Variants in NIBAN1 observed in about 807,000 individuals in gnomAD.
NIBAN1 encodes niban apoptosis regulator 1.
Under a neutral mutation model 75.1 loss-of-function variants are expected in NIBAN1, and 81 were observed. The observed-to-expected ratio is 1.08, with a 90% CI of 0.90 to 1.30. The LOEUF (loss-of-function observed/expected upper bound fraction) is 1.30, where lower values mean the gene tolerates loss of function less well. Ranked by LOEUF, NIBAN1 falls within the 50% of genes most tolerant of loss-of-function variation. The pLI is 0.00. For missense variants in NIBAN1, 1,133 were observed against 1,128.1 expected (o/e 1.00, Z -0.06); for synonymous variants, 436 against 424.8 (o/e 1.03, Z -0.32).
chr1:184,889,786 G>C (rs1656618039), intron 4 of NIBAN1, among the ~76,000 whole-genome samples: 1 of 152,184 alleles, frequency 6.6e-6, no homozygotes, highest in South Asian at 2.1e-4. Flanking sequence ...TCCTCAACTA[G>C]AGAAATCACA....
At position 184,884,655 on chromosome 1, in the gene NIBAN1, G is replaced by A. The variant is rs779957862; in HGVS notation, c.579C>T (p.Asp193=). Residue 193 remains aspartate (D), a synonymous_variant, in exon 5 of 14, where the codon GAC becomes GAT. Coordinates refer to ENST00000367511, the MANE Select transcript of NIBAN1 (RefSeq NM_052966.4). The part of the protein sequence containing the change: ...DQKRFSALLS[D]CVRHLNHDYM... ...TACCATGATTGAGATGCCTGACGCAGTCACTCAGGAGGGCACTAAACCTCT... is the reference window on the plus strand; with the variant it reads ...TACCATGATTGAGATGCCTGACGCAATCACTCAGGAGGGCACTAAACCTCT... 6.2e-6 allele frequency: 10 copies of A among 1,614,026 alleles called. No homozygotes were observed. In the East Asian group the frequency reaches 6.7e-5, roughly 11 times the overall value.
At chr1:184,806,586 C>A (rs1018395010) in intron 10 of NIBAN1, among the ~76,000 whole-genome samples, 16 of 152,044 alleles carry the variant, frequency 1.1e-4, no homozygotes, top group African/African-American at 3.1e-4. Context: ...TCCAGTATTA[C>A]GAAAGAGACT....
At chr1:184,870,215 A>C (rs1234318866) in intron 5 of NIBAN1, among the ~76,000 whole-genome samples, 3 of 152,220 alleles carry the variant, frequency 2.0e-5, no homozygotes, top group Non-Finnish European at 2.9e-5. Flanking sequence ...AATAACCTTA[A>C]ATGAGTAATA....
intron 1 of NIBAN1, among the ~76,000 whole-genome samples, chr1:184,906,534 G>A (rs780688568): frequency 1.3e-5 from 2 of 152,148 alleles, no homozygotes; most frequent in East Asian, 3.9e-4. Context: ...GGAGGCTGAG[G>A]AAGGAGAATA....
chr1:184,928,024 G>A (rs1436825424), intron 1 of NIBAN1, among the ~76,000 whole-genome samples: 1 of 152,028 alleles, frequency 6.6e-6, no homozygotes, highest in East Asian at 1.9e-4. Flanking sequence ...GGGTACTGCT[G>A]ATGTTTATTC....
Position 184,795,678 on chromosome 1 carries a change from C to T in NIBAN1, c.2086G>A (p.Ala696Thr), listed in dbSNP as rs370408065. The T allele has an allele frequency of 7.2e-5, 116 of 1,614,064 alleles. No homozygotes were observed. Among genetic ancestry groups the T allele is most frequent in the South Asian group, 4.9e-4 (45 of 91,070 alleles). The change falls in exon 14 of 14, where the codon GCC (alanine) becomes ACC (threonine). Residue 696 changes from alanine (A) to threonine (T), a missense_variant. By Grantham distance (58) the Ala-to-Thr change is moderately conservative (BLOSUM62 0). Transcript: ENST00000367511. ...GTGATGGGTTCTGGCTCTTCCTGGG[C>T]GGGTTCTTCATCCTCAAGGGTCCCT... is the stretch of plus-strand genomic sequence containing the variant. ...FGGTLEDEEP[A>T]QEEPEPITAS...
At chr1:184,827,953 G>GTTTTTTTTTTTTTTTTTTTTT (rs1174066517) in intron 6 of NIBAN1, among the ~76,000 whole-genome samples, 3 of 100,278 alleles carry the variant, frequency 3.0e-5, no homozygotes, top group Non-Finnish European at 4.5e-5. Flanking sequence ...GGGTAGTTTT[G>GTTTTTTTTTTTTTTTTTTTTT]TTTTTTGTTT....
rs566426024 is a variant in NIBAN1, at chr1:184,823,790, A to C, written c.718-48T>G. On this transcript the variant is annotated intron_variant, in intron 6 of 13. Coordinates refer to ENST00000367511, the MANE Select transcript of NIBAN1 (RefSeq NM_052966.4). The stretch of plus-strand genomic sequence containing the variant: ...GAGTCGGTCAGTCGGTGATGGCTAC[A>C]TCTGAGCATCAGGCCAACTAAAAAT... 10 of 1,513,562 alleles carry C rather than the reference A, an allele frequency of 6.6e-6. No homozygotes were observed. The East Asian group carries it at 2.3e-4, about 34-fold the overall frequency. The allele number at this position is 1,513,562 out of a possible 1,614,324, so 93.8% of individuals were successfully genotyped here.
At chr1:184,832,614 G>A (rs987731244) in intron 5 of NIBAN1, among the ~76,000 whole-genome samples, 1 of 152,162 alleles carries the variant, frequency 6.6e-6, no homozygotes, top group African/African-American at 2.4e-5. Flanking sequence ...GCTAGTGAGT[G>A]GCACAGCCCA....
rs1271025998 is a variant in NIBAN1 at position 184,877,901 on chromosome 1, G to A, written c.601+6732C>T. On this transcript the variant is annotated intron_variant, in intron 5 of 13. Coordinates refer to ENST00000367511, the MANE Select transcript of NIBAN1 (RefSeq NM_052966.4). ...GGAATCTACCCAATCTAAATAGCAC[G>A]AACAAAACAATTTTTTTTTTTTGCT... 9.2e-5 allele frequency among the ~76,000 whole-genome samples: 14 copies of A among 151,470 alleles called. No individual in the cohort carries two copies. The East Asian group carries it at 2.3e-3, about 25-fold the overall frequency.
chr1:184,913,855 G>A (rs1657311795), intron 1 of NIBAN1, among the ~76,000 whole-genome samples: 1 of 152,174 alleles, frequency 6.6e-6, no homozygotes, highest in African/African-American at 2.4e-5. Context: ...TTGATTGGAT[G>A]TAGGTAAGAA....
At chr1:184,938,719 C>T (rs939329079) in intron 1 of NIBAN1, among the ~76,000 whole-genome samples, 4 of 152,138 alleles carry the variant, frequency 2.6e-5, no homozygotes, top group African/African-American at 9.7e-5. Context: ...TTAAAGTGTA[C>T]TTCTAATAAG....
rs140899704 is a variant in NIBAN1 at position 184,965,208 on chromosome 1, A to G, written c.55+9094T>C. On this transcript the variant is annotated intron_variant, in intron 1 of 13. Transcript: ENST00000367511. ...CAGCTACTCGAGAGGCTGACGCAGG[A>G]GAATGGCGTGAACCCGGGAATTGGA... Among the ~76,000 whole-genome samples the G allele has an allele frequency of 1.5e-4, 23 of 152,158 alleles. No individual in the cohort carries two copies. The East Asian group carries it at 4.5e-3, about 29-fold the overall frequency.
rs535633833 is a variant in NIBAN1 at position 184,912,591 on chromosome 1, A to G, written c.56-13282T>C. ...TTGCACTTACTAGTGAGGCTGAGCA[A>G]CCTTTCATATATTTACTGGCCATTG... On this transcript the variant is annotated intron_variant, in intron 1 of 13. Transcript: ENST00000367511. Among the ~76,000 whole-genome samples the G allele has an allele frequency of 1.2e-4, 19 of 152,168 alleles. 1 individual carries two copies. In the East Asian group the frequency reaches 3.5e-3, roughly 28 times the overall value.
intron 5 of NIBAN1, among the ~76,000 whole-genome samples, chr1:184,833,687 G>C (rs1231599752): frequency 6.6e-6 from 1 of 152,034 alleles, no homozygotes; most frequent in Non-Finnish European, 1.5e-5. Context: ...GGGCAATAGA[G>C]TGAGACCCTG....
At chr1:184,867,501 G>A (rs562327) in intron 5 of NIBAN1, among the ~76,000 whole-genome samples, 59,287 of 151,962 alleles carry the variant, frequency 0.39, 12,021 homozygotes, top group South Asian at 0.51. Flanking sequence ...AAAAAAAGAA[G>A]GATATCTTCA....
chr1:184,905,153 C>T (rs955491912), intron 1 of NIBAN1, among the ~76,000 whole-genome samples: 7 of 151,996 alleles, frequency 4.6e-5, no homozygotes, highest in Non-Finnish European at 1.0e-4. Flanking sequence ...GAGAAGTGGC[C>T]GGAGTCCAGG....
chr1:184,832,226 C>T (rs1017175932), intron 5 of NIBAN1, among the ~76,000 whole-genome samples: 3 of 152,134 alleles, frequency 2.0e-5, no homozygotes, highest in Non-Finnish European at 4.4e-5. Flanking sequence ...GTCTCCTTTA[C>T]CCTCTCTTAT....
chr1:184,940,187 G>A (rs1293431839), intron 1 of NIBAN1, among the ~76,000 whole-genome samples: 2 of 152,160 alleles, frequency 1.3e-5, no homozygotes, highest in African/African-American at 4.8e-5. Flanking sequence ...GACATTGGGG[G>A]TAACTGGCTA....
Sources: allele counts gnomAD v4.1 joint callset (sites outside exome capture counted in the v4.1 genomes callset), GRCh38; gene constraint gnomAD v4.1.1; transcripts MANE v1.5; gene names NCBI Gene and HGNC (gene_info 2026-07-23, HGNC 2026-07-21).